SDCCAG8: variants seen among roughly 807,000 people sequenced by gnomAD.
SDCCAG8 encodes the protein serologically defined colon cancer antigen 8.
A neutral mutation model predicts 101.8 loss-of-function variants in SDCCAG8; 74 were observed. The ratio of observed to expected loss-of-function variants is 0.73; its 90% confidence interval spans 0.60 to 0.88. SDCCAG8 has a LOEUF of 0.88. SDCCAG8 is among the 40% of genes least tolerant of loss of function. SDCCAG8 has a pLI of 0.00. For synonymous variants in SDCCAG8, 281 were observed against 292.9 expected (o/e 0.96, Z 0.41); for missense variants, 787 against 822.6 (o/e 0.96, Z 0.53).
At chr1:243,396,654 G>T (rs1025611426) in intron 13 of SDCCAG8, among the ~76,000 whole-genome samples, 2 of 152,098 alleles carry the variant, frequency 1.3e-5, no homozygotes, top group Non-Finnish European at 2.9e-5. Context: ...ATGATATTTT[G>T]ATTTCACTTT....
chr1:243,462,219 C>T (rs1301558560), intron 16 of SDCCAG8, among the ~76,000 whole-genome samples: 1 of 152,208 alleles, frequency 6.6e-6, no homozygotes, highest in Non-Finnish European at 1.5e-5. Flanking sequence ...CTCAAGTCAC[C>T]TGGCTCAACC....
At chr1:243,397,874 A>G (rs546787365) in intron 13 of SDCCAG8, among the ~76,000 whole-genome samples, 4 of 152,370 alleles carry the variant, frequency 2.6e-5, no homozygotes, top group African/African-American at 7.2e-5. Flanking sequence ...AAGACCTATT[A>G]AAATGTAACT....
chr1:243,404,862 CTTTT>C (rs529062563), intron 13 of SDCCAG8, among the ~76,000 whole-genome samples: 2 of 137,698 alleles, frequency 1.5e-5, no homozygotes. Context: ...TAGACTTCTT[CTTTT>C]TTTTTTTTTT....
intron 12 of SDCCAG8, among the ~76,000 whole-genome samples, chr1:243,350,687 A>G (rs1281934778): frequency 6.6e-6 from 1 of 152,264 alleles, no homozygotes; most frequent in Non-Finnish European, 1.5e-5. Context: ...ATATGGACAG[A>G]ACAAGAACAA....
chr1:243,298,828 C>G (rs2071221589), intron 6 of SDCCAG8, among the ~76,000 whole-genome samples: 2 of 152,154 alleles, frequency 1.3e-5, no homozygotes, highest in Admixed American at 1.3e-4. Flanking sequence ...GTTAATTGTG[C>G]TAATACTATA....
At chr1:243,372,382 T>TAATG (rs2077342985) in intron 12 of SDCCAG8, among the ~76,000 whole-genome samples, 1 of 152,104 alleles carries the variant, frequency 6.6e-6, no homozygotes, top group South Asian at 2.1e-4. Flanking sequence ...TTAAGTCACA[T>TAATG]AATGTTTACT....
intron 16 of SDCCAG8, among the ~76,000 whole-genome samples, chr1:243,450,069 A>G (rs2083239711): frequency 1.3e-5 from 2 of 152,200 alleles, no homozygotes; most frequent in African/African-American, 4.8e-5. Context: ...CTAGGCAGTT[A>G]GTCAGACCTT....
rs2067991098 is a variant in SDCCAG8, at chr1:243,270,405, T to C, written c.220+148T>C. The C allele has an allele frequency of 4.3e-6, 4 of 932,016 alleles. No homozygotes were observed. The African/African-American group carries it at 6.5e-5, about 15-fold the overall frequency. 57.7% of individuals were successfully genotyped at this position (932,016 alleles called of 1,614,324 possible). On this transcript the variant is annotated intron_variant, in intron 2 of 17. Transcript: ENST00000366541. ...ATAATTTAATTCCCTCGCTTAATCT[T>C]GTTTTCCTTTGACTTCCCAATGCTT...
intron 16 of SDCCAG8, among the ~76,000 whole-genome samples, chr1:243,464,398 T>C (rs1463724422): frequency 2.0e-5 from 3 of 152,208 alleles, no homozygotes; most frequent in Non-Finnish European, 2.9e-5. Flanking sequence ...AAGACTAATA[T>C]AGTTAGCATT....
chr1:243,322,769 C>T (rs2073857791), intron 9 of SDCCAG8, among the ~76,000 whole-genome samples: 3 of 151,986 alleles, frequency 2.0e-5, no homozygotes, highest in Middle Eastern at 3.4e-3. Flanking sequence ...GAAAATTAGG[C>T]CCAATCACAC....
In SDCCAG8 at chr1:243,451,104, TATAG is replaced by T. The variant is rs559474234; in HGVS notation, c.1985+24549_1985+24552del. Among the ~76,000 whole-genome samples, 21 of 152,370 alleles carry T rather than the reference TATAG, an allele frequency of 1.4e-4. No homozygotes were observed. In the South Asian group the frequency reaches 4.1e-3, roughly 30 times the overall value. On this transcript the variant is annotated intron_variant, in intron 16 of 17. Coordinates refer to ENST00000366541, the MANE Select transcript of SDCCAG8 (RefSeq NM_006642.5). ...TTTGCATACACAGAAGGTATATAGT[TATAG>T]ATCTATAGATGGATATGTACTGCAA...
At chr1:243,459,922 T>C (rs2148154547) in intron 16 of SDCCAG8, among the ~76,000 whole-genome samples, 1 of 152,340 alleles carries the variant, frequency 6.6e-6, no homozygotes, top group East Asian at 1.9e-4. Flanking sequence ...AATGCTTTTT[T>C]TTATTACCAC....
intron 16 of SDCCAG8, among the ~76,000 whole-genome samples, chr1:243,434,060 G>A (rs1199779793): frequency 2.0e-5 from 3 of 152,154 alleles, no homozygotes; most frequent in African/African-American, 7.2e-5. Context: ...TTCAAATGCT[G>A]CTCTTCTTGC....
At chr1:243,357,129 C>T (rs973266352) in intron 12 of SDCCAG8, among the ~76,000 whole-genome samples, 2 of 152,200 alleles carry the variant, frequency 1.3e-5, no homozygotes, top group Admixed American at 6.5e-5. Context: ...CCTGTAATCC[C>T]GGCGCTTTGA....
chr1:243,410,840 G>A lies in SDCCAG8; in HGVS notation c.1617-4862G>A, dbSNP rs79055426. The stretch of plus-strand genomic sequence containing the variant: ...AATGCTTCAGTGCCGTTTCTAAAAA[G>A]TGGGATGGTAAATATCATTGTGACC... On this transcript the variant is annotated intron_variant, in intron 13 of 17. Coordinates refer to ENST00000366541, the MANE Select transcript of SDCCAG8 (RefSeq NM_006642.5). Among the ~76,000 whole-genome samples, 908 of 152,302 alleles carry A rather than the reference G, an allele frequency of 6.0e-3. 15 individuals carry two copies. The highest frequency in any genetic ancestry group is 0.02 in the African/African-American group (829 of 41,568).
At chr1:243,389,795 A>C (rs1196234695) in intron 13 of SDCCAG8, among the ~76,000 whole-genome samples, 1 of 152,196 alleles carries the variant, frequency 6.6e-6, no homozygotes, top group Non-Finnish European at 1.5e-5. Flanking sequence ...GAGGTTGGGC[A>C]TCCAGGAGGG....
At chr1:243,401,118 G>A (rs1404501505) in intron 13 of SDCCAG8, among the ~76,000 whole-genome samples, 4 of 152,156 alleles carry the variant, frequency 2.6e-5, no homozygotes, top group Admixed American at 1.3e-4. Context: ...TAACCATCTT[G>A]TAATGATAAC....
intron 16 of SDCCAG8, among the ~76,000 whole-genome samples, chr1:243,440,520 C>T (rs1479630966): frequency 6.6e-6 from 1 of 152,100 alleles, no homozygotes; most frequent in Non-Finnish European, 1.5e-5. Flanking sequence ...GGGTCAGTTC[C>T]AGGAAGAATT....
rs759835820 is a variant in SDCCAG8, at chr1:243,478,219, C to T, written c.1986-10795C>T. Among the ~76,000 whole-genome samples the T allele has an allele frequency of 1.3e-4, 20 of 152,142 alleles. No individual in the cohort carries two copies. In the South Asian group the frequency reaches 2.9e-3, roughly 22 times the overall value. Reference sequence around the variant, plus strand: ...TGACATGGAATAGAAGAATGTCGGGCGTTTCAAAAAAGGATTTTGAGATGC... The same window carrying T: ...TGACATGGAATAGAAGAATGTCGGGTGTTTCAAAAAAGGATTTTGAGATGC... On this transcript the variant is annotated intron_variant, in intron 16 of 17. Transcript: ENST00000366541.
Sources: gnomAD v4.1 joint callset for allele counts (sites outside exome capture counted in the v4.1 genomes callset) on GRCh38, gnomAD v4.1.1 for gene constraint, MANE v1.5 for transcripts, NCBI Gene and HGNC (gene_info 2026-07-23, HGNC 2026-07-21) for gene names.